FARSB: variants seen among roughly 807,000 people sequenced by gnomAD.
The protein encoded by FARSB is phenylalanyl-tRNA synthetase subunit beta.
Under a neutral mutation model 69.6 loss-of-function variants are expected in FARSB, and 40 were observed. The observed-to-expected ratio is 0.57, with a 90% CI of 0.45 to 0.75. The LOEUF is 0.75. FARSB is among the 30% of genes least tolerant of loss of function. The pLI is 0.00. For missense variants in FARSB, 632 were observed against 722.9 expected, an observed-to-expected ratio of 0.87 and a Z score of 1.44; for synonymous variants, 235 against 247.2, an observed-to-expected ratio of 0.95 and a Z score of 0.46.
rs1689658137 is a variant in FARSB, at chr2:222,567,907, A to C, written c.*3964T>G. On this transcript the variant is annotated 3_prime_UTR_variant, in exon 17 of 17. Transcript: ENST00000281828. Reference sequence around the variant, plus strand: ...CTGAATGTCCACCAACAAGGGAATAATTGAACAATTACGGACATCTGTACA... The same window carrying C: ...CTGAATGTCCACCAACAAGGGAATACTTGAACAATTACGGACATCTGTACA... 6.6e-6 allele frequency: 1 copy of C among 152,240 alleles called. No individual in the cohort carries two copies. Among genetic ancestry groups the C allele is most frequent in the African/African-American group, 2.4e-5 (1 of 41,460 alleles). 9.4% of individuals were successfully genotyped at this position (152,240 alleles called of 1,614,324 possible).
chr2:222,588,986 T>C (rs1020234787), intron 16 of FARSB, among the ~76,000 whole-genome samples: 16 of 152,164 alleles, frequency 1.1e-4, no homozygotes, highest in Middle Eastern at 3.2e-3. Context: ...CCAATGACTT[T>C]CTTCACGGAT....
chr2:222,570,374 C>T lies in FARSB; in HGVS notation c.*1497G>A, dbSNP rs1230227579. On this transcript the variant is annotated 3_prime_UTR_variant, in exon 17 of 17. Coordinates refer to ENST00000281828, the MANE Select transcript of FARSB (RefSeq NM_005687.5). ...TGCTTATAACAGAGCTGTGAAGGGT[C>T]AGCTGGAAGTGTGTGTGTTCACAAA... is the stretch of plus-strand genomic sequence containing the variant. Among the ~76,000 whole-genome samples the T allele has an allele frequency of 2.6e-5, 4 of 152,160 alleles. No individual in the cohort carries two copies. Among genetic ancestry groups the T allele is most frequent in the Non-Finnish European group, 5.9e-5 (4 of 68,032 alleles).
intron 15 of FARSB, among the ~76,000 whole-genome samples, chr2:222,611,711 G>C (rs1439568796): frequency 6.6e-6 from 1 of 152,160 alleles, no homozygotes; most frequent in Non-Finnish European, 1.5e-5. Flanking sequence ...GGGCCAGAAA[G>C]AGAAGCAGAG....
At chr2:222,631,152 T>C (rs1691412092) in intron 8 of FARSB, among the ~76,000 whole-genome samples, 1 of 152,002 alleles carries the variant, frequency 6.6e-6, no homozygotes, top group Non-Finnish European at 1.5e-5. Flanking sequence ...TCTATCAATT[T>C]ACTAAATAAA....
chr2:222,656,001 A>G lies in FARSB; in HGVS notation c.58+15T>C. ...AGAAGAGGCGTAGGGCCCAACGTAT[A>G]GGGCCGCCACTCACTGTAGGTGCGG... On this transcript the variant is annotated intron_variant, in intron 1 of 16. Coordinates refer to ENST00000281828, the MANE Select transcript of FARSB (RefSeq NM_005687.5). 2 of 1,582,234 alleles carry G rather than the reference A, an allele frequency of 1.3e-6. No individual in the cohort carries two copies. Among genetic ancestry groups the G allele is most frequent in the Admixed American group, 1.7e-5 (1 of 57,636 alleles).
intron 16 of FARSB, among the ~76,000 whole-genome samples, chr2:222,587,908 C>T (rs1690161000): frequency 6.6e-6 from 1 of 152,192 alleles, no homozygotes; most frequent in Admixed American, 6.5e-5. Context: ...GATGGATTCA[C>T]AGCCAAATTC....
chr2:222,605,965 T>G (rs1253352685), intron 15 of FARSB, among the ~76,000 whole-genome samples: 18 of 152,190 alleles, frequency 1.2e-4, no homozygotes, highest in Admixed American at 9.2e-4. Flanking sequence ...AAATTTATAC[T>G]CTATTTCATT....
chr2:222,626,805 G>A (rs182038609), intron 10 of FARSB, among the ~76,000 whole-genome samples: 97 of 152,230 alleles, frequency 6.4e-4, no homozygotes, highest in Admixed American at 2.7e-3. Flanking sequence ...AGGCCAAAGC[G>A]GGCGGATCAC....
At chr2:222,583,815 G>GT (rs1307774645) in intron 16 of FARSB, among the ~76,000 whole-genome samples, 3 of 152,102 alleles carry the variant, frequency 2.0e-5, no homozygotes, top group East Asian at 1.9e-4. Flanking sequence ...AGATCTGATG[G>GT]TTTTTTAAGA....
intron 15 of FARSB, among the ~76,000 whole-genome samples, chr2:222,611,479 C>G (rs1270786287): frequency 6.6e-6 from 1 of 151,918 alleles, no homozygotes; most frequent in Non-Finnish European, 1.5e-5. Context: ...CAGGGTCTTA[C>G]TCTGTTGCCC....
At chr2:222,654,851 C>CA (rs564471238) in intron 1 of FARSB, among the ~76,000 whole-genome samples, 128 of 151,714 alleles carry the variant, frequency 8.4e-4, no homozygotes, top group South Asian at 2.5e-3. Context: ...GCCCTAAAAA[C>CA]AAAAAAAACA....
intron 14 of FARSB, among the ~76,000 whole-genome samples, chr2:222,619,290 G>A (rs1313754227): frequency 6.7e-6 from 1 of 148,562 alleles, no homozygotes; most frequent in Non-Finnish European, 1.5e-5. Context: ...TGAGCAACAG[G>A]GCAAGACTCT....
At chr2:222,597,373 A>G (rs760190109) in intron 16 of FARSB, among the ~76,000 whole-genome samples, 1 of 152,160 alleles carries the variant, frequency 6.6e-6, no homozygotes, top group Non-Finnish European at 1.5e-5. Context: ...ACCTGGCCTA[A>G]CAAAATTGAA....
At chr2:222,619,849 T>G in intron 13 of FARSB, 112 bp from the exon 14 acceptor site, 1 of 588,440 alleles carries the variant, frequency 1.7e-6, no homozygotes, top group South Asian at 2.3e-5. Context: ...TCTACACATA[T>G]CAGCAAGTTA....
At chr2:222,593,984 T>C (rs1690344352) in intron 16 of FARSB, among the ~76,000 whole-genome samples, 1 of 148,578 alleles carries the variant, frequency 6.7e-6, no homozygotes, top group African/African-American at 2.5e-5. Flanking sequence ...TAGCTGGGCG[T>C]GGTGGCTCAC....
intron 16 of FARSB, among the ~76,000 whole-genome samples, chr2:222,577,380 G>T (rs575587006): frequency 1.3e-5 from 2 of 152,274 alleles, no homozygotes; most frequent in South Asian, 4.1e-4. Flanking sequence ...ATCCCTTTCT[G>T]AAGATCAAAA....
Position 222,567,262 on chromosome 2 carries a change from T to C in FARSB, c.*4609A>G, listed in dbSNP as rs1443214417. ...GTCCATAATAATATACATAAAGTTA[T>C]TCAAGGCCCTAATAACATAATAAGC... On this transcript the variant is annotated 3_prime_UTR_variant, in exon 17 of 17. Coordinates refer to ENST00000281828, the MANE Select transcript of FARSB (RefSeq NM_005687.5). 1 of 152,206 alleles carries C rather than the reference T, an allele frequency of 6.6e-6. No individual in the cohort carries two copies. The highest frequency in any genetic ancestry group is 1.5e-5 in the Non-Finnish European group (1 of 68,044). The allele number at this position is 152,206 out of a possible 1,614,324, so 9.4% of individuals were successfully genotyped here.
intron 5 of FARSB, among the ~76,000 whole-genome samples, chr2:222,637,555 C>T (rs978864414): frequency 2.0e-5 from 3 of 152,168 alleles, no homozygotes; most frequent in Non-Finnish European, 4.4e-5. Flanking sequence ...ACTAAAACTT[C>T]ACTGCTCATG....
intron 16 of FARSB, among the ~76,000 whole-genome samples, chr2:222,573,672 G>A (rs181181618): frequency 6.6e-6 from 1 of 152,244 alleles, no homozygotes; most frequent in East Asian, 1.9e-4. Flanking sequence ...TTGATGGTAA[G>A]CAATATAATC....
Sources: allele counts gnomAD v4.1 joint callset (sites outside exome capture counted in the v4.1 genomes callset), GRCh38; gene constraint gnomAD v4.1.1; transcripts MANE v1.5; gene names NCBI Gene and HGNC (gene_info 2026-07-23, HGNC 2026-07-21).